Variants in CASK observed in about 807,000 individuals in gnomAD.
The protein encoded by CASK is calcium/calmodulin dependent serine protein kinase.
Under a neutral mutation model 82.9 loss-of-function variants are expected in CASK, and 4 were observed. The observed-to-expected ratio is 0.05, with a 90% CI of 0.02 to 0.11. CASK has a LOEUF of 0.11. Ranked by LOEUF, CASK falls within the 10% of genes least tolerant of loss-of-function variation. The probability of loss-of-function intolerance (pLI) is 1.00; values close to 1 mark genes in which losing one functional copy is unlikely to be tolerated. For missense variants in CASK, 358 were observed against 720.9 expected (o/e 0.50, Z 5.76); for synonymous variants, 259 against 253.5 (o/e 1.02, Z -0.20).
At chrX:41,769,980 G>A (rs1424716343) in intron 3 of CASK, among the ~76,000 whole-genome samples, 1 of 110,692 alleles carries the variant, frequency 9.0e-6, no homozygotes, top group Non-Finnish European at 1.9e-5. Flanking sequence ...TTCCTCTTTG[G>A]AGAAAGAAAG....
chrX:41,849,366 G>T (rs1304887322), intron 2 of CASK, among the ~76,000 whole-genome samples: 2 of 111,150 alleles, frequency 1.8e-5, no homozygotes, highest in Admixed American at 1.9e-4. Flanking sequence ...GAGACAAAAA[G>T]TATATTAATT....
At chrX:41,711,289 T>C (rs778859260) in intron 5 of CASK, among the ~76,000 whole-genome samples, 7 of 112,290 alleles carry the variant, frequency 6.2e-5, no homozygotes, top group South Asian at 7.4e-4. Flanking sequence ...TGCTTGTTGG[T>C]TGGGGAGAAA....
chrX:41,787,640 G>A (rs1451002367), intron 2 of CASK, among the ~76,000 whole-genome samples: 1 of 107,327 alleles, frequency 9.3e-6, no homozygotes, highest in Non-Finnish European at 1.9e-5. Flanking sequence ...TCCTTGATCT[G>A]CTAATAAACT....
chrX:41,823,241 C>A (rs1206611559), intron 2 of CASK, among the ~76,000 whole-genome samples: 1 of 109,791 alleles, frequency 9.1e-6, no homozygotes. Context: ...TCTATCAGTA[C>A]CTTGACTTTC....
chrX:41,850,787 G>A (rs1045393851), intron 2 of CASK, among the ~76,000 whole-genome samples: 25 of 111,514 alleles, frequency 2.2e-4, no homozygotes, highest in African/African-American at 6.5e-4. Flanking sequence ...CTGGAAAAGG[G>A]TTGAAAGAAG....
In CASK at chrX:41,889,687, C is replaced by T. The variant is rs191185579; in HGVS notation, c.59+33243G>A. On this transcript the variant is annotated intron_variant, in intron 1 of 26. Transcript: ENST00000378163. ...AAACACCACTGTATAATAAAATTTTCCACTGGTAACATTTGCTTCATAGCA... is the reference window on the plus strand; with the variant it reads ...AAACACCACTGTATAATAAAATTTTTCACTGGTAACATTTGCTTCATAGCA... Among the ~76,000 whole-genome samples the T allele has an allele frequency of 4.5e-5, 5 of 111,987 alleles. No homozygotes were observed. The South Asian group carries it at 1.8e-3, about 41-fold the overall frequency.
At chrX:41,849,307 A>T (rs1214459190) in intron 2 of CASK, among the ~76,000 whole-genome samples, 1 of 111,635 alleles carries the variant, frequency 9.0e-6, no homozygotes, top group Non-Finnish European at 1.9e-5. Context: ...ATTAATTTTG[A>T]TATCTATTTT....
chrX:41,733,177 A>G (rs1413707395), intron 5 of CASK, among the ~76,000 whole-genome samples: 1 of 9,865 alleles, frequency 1.0e-4, no homozygotes, highest in Non-Finnish European at 2.0e-4. Context: ...TTCCATCTCA[A>G]AAAAAAAAAA....
intron 2 of CASK, among the ~76,000 whole-genome samples, chrX:41,798,358 T>G (rs961429203): frequency 1.8e-5 from 2 of 112,547 alleles, no homozygotes; most frequent in African/African-American, 3.2e-5. Flanking sequence ...GATGAGATGA[T>G]TATTTGCCTT....
rs763279608 is a variant in CASK at position 41,837,915 on chromosome X, C to T, written c.172+15200G>A. On this transcript the variant is annotated intron_variant, in intron 2 of 26. Coordinates refer to ENST00000378163, the MANE Select transcript of CASK (RefSeq NM_001367721.1). ...TGTATGTTTTAGTATTTTAAAGAAG[C>T]TGCCTAACTCTTTTCTGGAGTGACT... Among the ~76,000 whole-genome samples, 13 of 112,314 alleles carry T rather than the reference C, an allele frequency of 1.2e-4. No individual in the cohort carries two copies. In the East Asian group the frequency reaches 3.3e-3, roughly 29 times the overall value.
rs199737893 is a variant in CASK, at chrX:41,578,367, C to T, written c.1476G>A (p.Gln492=). The T allele has an allele frequency of 1.7e-6, 2 of 1,206,309 alleles. No homozygotes were observed. Among genetic ancestry groups the T allele is most frequent in the East Asian group, 5.9e-5 (2 of 33,719 alleles). ...TTGGTTCATCTGTGTTCTTTTGAAA[C>T]TGTACCAGCCGAACTCTGGTCACAT... is the stretch of plus-strand genomic sequence containing the variant. ...MENVTRVRLV[Q]FQKNTDEPMG... is the part of the protein sequence containing the mutation. Residue 492 remains glutamine (Q), a synonymous_variant, in exon 15 of 27, where the codon CAG becomes CAA. Coordinates refer to ENST00000378163, the MANE Select transcript of CASK (RefSeq NM_001367721.1).
intron 1 of CASK, among the ~76,000 whole-genome samples, chrX:41,866,630 T>C (rs931658609): frequency 2.7e-5 from 3 of 112,039 alleles, no homozygotes; most frequent in African/African-American, 9.7e-5. Flanking sequence ...CTGTGCATTT[T>C]CAACCTATTT....
At chrX:41,601,489 G>A (rs2065893092) in intron 12 of CASK, among the ~76,000 whole-genome samples, 1 of 111,757 alleles carries the variant, frequency 8.9e-6, no homozygotes, top group Non-Finnish European at 1.9e-5. Flanking sequence ...ACAACTACAC[G>A]CTGGTTAATA....
intron 1 of CASK, among the ~76,000 whole-genome samples, chrX:41,872,681 C>A (rs2071726441): frequency 9.0e-6 from 1 of 111,245 alleles, no homozygotes; most frequent in African/African-American, 3.3e-5. Context: ...ATTAATGGAC[C>A]AATATTGATA....
chrX:41,921,869 CAAAAAAAAAAAAA>C (rs11298104), intron 1 of CASK, among the ~76,000 whole-genome samples: 5 of 39,757 alleles, frequency 1.3e-4, no homozygotes, highest in Admixed American at 3.4e-4. Context: ...GCACCGCTTC[CAAAAAAAAAAAAA>C]AAAAAAAAAA....
intron 11 of CASK, among the ~76,000 whole-genome samples, chrX:41,611,968 C>T (rs1359885594): frequency 2.7e-5 from 3 of 112,023 alleles, no homozygotes; most frequent in Non-Finnish European, 3.8e-5. Flanking sequence ...CCCGAGGTGC[C>T]GGGATTGCAG....
At chrX:41,900,894 T>A (rs1410732986) in intron 1 of CASK, among the ~76,000 whole-genome samples, 4 of 108,731 alleles carry the variant, frequency 3.7e-5, no homozygotes, top group African/African-American at 1.3e-4. Flanking sequence ...TACAGGCGCA[T>A]GCCATGACAC....
intron 2 of CASK, among the ~76,000 whole-genome samples, chrX:41,810,594 T>C (rs1458829710): frequency 9.0e-6 from 1 of 110,638 alleles, no homozygotes; most frequent in Non-Finnish European, 1.9e-5. Context: ...GCACTAAATA[T>C]AGAAAGGAAA....
chrX:41,729,440 T>G (rs1050219828), intron 5 of CASK: 2 of 121,588 alleles, frequency 1.6e-5, no homozygotes, highest in Non-Finnish European at 3.8e-5. Context: ...TGAAGTGGGC[T>G]GGGTGCGGTG....
Sources: allele counts gnomAD v4.1 joint callset (sites outside exome capture counted in the v4.1 genomes callset), GRCh38; gene constraint gnomAD v4.1.1; transcripts MANE v1.5; gene names NCBI Gene and HGNC (gene_info 2026-07-23, HGNC 2026-07-21).